OR8G1: variants seen among roughly 807,000 people sequenced by gnomAD.
OR8G1 encodes the protein olfactory receptor 8G1.
For synonymous variants in OR8G1, 129 were observed against 133.3 expected (o/e 0.97, Z 0.22); for missense variants, 372 against 356.2 (o/e 1.04, Z -0.36).
intron 1 of OR8G1, among the ~76,000 whole-genome samples, chr11:124,242,805 G>T (rs2137744408): frequency 6.6e-6 from 1 of 152,056 alleles, no homozygotes; most frequent in East Asian, 1.9e-4. Flanking sequence ...AACTAAGACT[G>T]GAAGTTAAGT....
At position 124,251,632 on chromosome 11, in the gene OR8G1, AT is replaced by A; in HGVS notation, c.*1027del. 4.7e-6 allele frequency: 1 copy of A among 212,904 alleles called. No homozygotes were observed. Among genetic ancestry groups the A allele is most frequent in the Middle Eastern group, 1.9e-3 (1 of 528 alleles). The allele number at this position is 212,904 out of a possible 1,614,324, so 13.2% of individuals were successfully genotyped here. ...CCAAGGAGTCCCTAAAGCAATACTT[AT>A]TTTTTCTTTCTTTTCAAACATGTGG... On this transcript the variant is annotated 3_prime_UTR_variant, in exon 3 of 3. Transcript: ENST00000641972.
chr11:124,245,723 G>A (rs1176223853), intron 1 of OR8G1, among the ~76,000 whole-genome samples: 16 of 136,654 alleles, frequency 1.2e-4, no homozygotes, highest in Middle Eastern at 3.6e-3. Context: ...GTGTGAGATG[G>A]TATCTCATTG....
Position 124,250,078 on chromosome 11 carries a change from A to C in OR8G1, c.403A>C (p.Ile135Leu), listed in dbSNP as rs757461253. 13 of 1,613,680 alleles carry C rather than the reference A, an allele frequency of 8.1e-6. No individual in the cohort carries two copies. The Admixed American group carries it at 2.2e-4, about 27-fold the overall frequency. ...CTGTAGCCCCTTGCTGTACAGTGTC[A>C]TCATATCCAATAAGGCTTGCTTTTC... Reference protein sequence around the residue: ...AICSPLLYSVIISNKACFSLI... With the variant: ...AICSPLLYSVLISNKACFSLI... The change falls in exon 3 of 3, where the codon ATC becomes CTC. Residue 135 changes from isoleucine to leucine, a missense_variant. Transcript: ENST00000641972.
chr11:124,243,945 CAAAAG>C lies in OR8G1; in HGVS notation c.-97+2585_-97+2589del, dbSNP rs1402461414. Among the ~76,000 whole-genome samples the C allele has an allele frequency of 2.7e-5, 4 of 149,768 alleles. No homozygotes were observed. In the South Asian group the frequency reaches 6.3e-4, roughly 24 times the overall value. On this transcript the variant is annotated intron_variant, in intron 1 of 2. Transcript: ENST00000641972. ...ACTTAAAATAAAAATTAAAAAATAA[CAAAAG>C]AAAGAGCTAGAGAGAGAATGAGGAA...
At chr11:124,246,109 G>A (rs548895776) in intron 1 of OR8G1, among the ~76,000 whole-genome samples, 19 of 151,682 alleles carry the variant, frequency 1.3e-4, no homozygotes, top group Admixed American at 9.9e-4. Context: ...GTCCTGAATG[G>A]TAATGCCTAG....
chr11:124,249,739 G>A lies in OR8G1; in HGVS notation c.64G>A (p.Glu22Lys). The A allele has an allele frequency of 6.2e-7, 1 of 1,613,692 alleles. No individual in the cohort carries two copies. The highest frequency in any genetic ancestry group is 8.5e-7 in the Non-Finnish European group (1 of 1,179,764). Residue 22 changes from glutamate to lysine, a missense_variant, in exon 3 of 3, where the codon GAG (glutamate) becomes AAG (lysine). Coordinates refer to ENST00000641972, the MANE Select transcript of OR8G1 (RefSeq NM_001002905.2). ...FILAGLSEQP[E>K]LQLPLFLLFL... Reference sequence around the variant, plus strand: ...TCTGGCTGGGCTCTCAGAACAGCCAGAGCTCCAGCTGCCCCTCTTCCTCCT... The same window carrying A: ...TCTGGCTGGGCTCTCAGAACAGCCAAAGCTCCAGCTGCCCCTCTTCCTCCT...
chr11:124,244,916 G>A (rs1236556664), intron 1 of OR8G1, among the ~76,000 whole-genome samples: 4 of 151,852 alleles, frequency 2.6e-5, no homozygotes, highest in Non-Finnish European at 5.9e-5. Context: ...ATTATGTTGA[G>A]TCTATCCATA....
intron 2 of OR8G1, among the ~76,000 whole-genome samples, chr11:124,248,564 T>C (rs1248660566): frequency 6.6e-6 from 1 of 152,062 alleles, no homozygotes; most frequent in Non-Finnish European, 1.5e-5. Context: ...GTTTTCCATA[T>C]ATAATATTCT....
At chr11:124,248,455 G>T (rs2137748902) in intron 2 of OR8G1, among the ~76,000 whole-genome samples, 1 of 151,720 alleles carries the variant, frequency 6.6e-6, no homozygotes, top group African/African-American at 2.4e-5. Context: ...AAATCTCAAA[G>T]AATTTCTCTA....
chr11:124,253,682 A>G lies in OR8G1; in HGVS notation c.*3071A>G, dbSNP rs1861884648. 1 of 152,002 alleles carries G rather than the reference A, an allele frequency of 6.6e-6. No individual in the cohort carries two copies. Among genetic ancestry groups the G allele is most frequent in the Non-Finnish European group, 1.5e-5 (1 of 68,014 alleles). The allele number at this position is 152,002 out of a possible 1,614,324, so 9.4% of individuals were successfully genotyped here. A position where few individuals can be genotyped will look rare whatever the true frequency, so the allele number is the denominator to read the frequency against. ...GTTTTTAACTTATTCCTTCTATCTA[A>G]TTAAAATATTATATCCTTTGACCAA... On this transcript the variant is annotated 3_prime_UTR_variant, in exon 3 of 3. Coordinates refer to ENST00000641972, the MANE Select transcript of OR8G1 (RefSeq NM_001002905.2).
At chr11:124,243,654 C>T (rs1004842618) in intron 1 of OR8G1, among the ~76,000 whole-genome samples, 2 of 151,960 alleles carry the variant, frequency 1.3e-5, no homozygotes, top group African/African-American at 2.4e-5. Flanking sequence ...TTTATCTGTA[C>T]ATTAAATGAT....
intron 1 of OR8G1, among the ~76,000 whole-genome samples, chr11:124,244,387 G>A (rs1050439118): frequency 1.3e-5 from 2 of 151,644 alleles, no homozygotes; most frequent in Non-Finnish European, 2.9e-5. Context: ...AACCATATTG[G>A]GAAATCCCTG....
chr11:124,250,014 C>T lies in OR8G1; in HGVS notation c.339C>T (p.His113=). 6.2e-7 allele frequency: 1 copy of T among 1,613,870 alleles called. No individual in the cohort carries two copies. Among genetic ancestry groups the T allele is most frequent in the South Asian group, 1.1e-5 (1 of 91,082 alleles). ...FFLVFAIAEC[H]MLAAMAYDRY... is the part of the protein sequence containing the mutation. Reference sequence around the variant, plus strand: ...TCGTTTTTGCTATTGCAGAGTGTCACATGTTGGCTGCAATGGCGTATGACC... The same window carrying T: ...TCGTTTTTGCTATTGCAGAGTGTCATATGTTGGCTGCAATGGCGTATGACC... Residue 113 remains histidine, a synonymous_variant, in exon 3 of 3, where the codon CAC becomes CAT. Coordinates refer to ENST00000641972, the MANE Select transcript of OR8G1 (RefSeq NM_001002905.2).
At chr11:124,242,624 A>G (rs1212391655) in intron 1 of OR8G1, among the ~76,000 whole-genome samples, 2 of 152,062 alleles carry the variant, frequency 1.3e-5, no homozygotes, top group Non-Finnish European at 2.9e-5. Context: ...ATTGCTAGTC[A>G]TCATAGTCTA....
At position 124,253,376 on chromosome 11, in the gene OR8G1, G is replaced by C. The variant is rs2137753077; in HGVS notation, c.*2765G>C. 1 of 152,202 alleles carries C rather than the reference G, an allele frequency of 6.6e-6. No individual in the cohort carries two copies. The highest frequency in any genetic ancestry group is 2.1e-4 in the South Asian group (1 of 4,824). The allele number at this position is 152,202 out of a possible 1,614,324, so 9.4% of individuals were successfully genotyped here. A position where few individuals can be genotyped will look rare whatever the true frequency, so the allele number is the denominator to read the frequency against. On this transcript the variant is annotated 3_prime_UTR_variant, in exon 3 of 3. Transcript: ENST00000641972. ...GTTGGGGCTGCAGTGAGCCTTGATTGTGCCACTGTACGTCAGCCTGGGCGA... is the reference window on the plus strand; with the variant it reads ...GTTGGGGCTGCAGTGAGCCTTGATTCTGCCACTGTACGTCAGCCTGGGCGA...
Position 124,250,024 on chromosome 11 carries a change from G to T in OR8G1, c.349G>T (p.Ala117Ser). The stretch of plus-strand genomic sequence containing the variant: ...TATTGCAGAGTGTCACATGTTGGCT[G>T]CAATGGCGTATGACCGTTACATGGC... ...FAIAECHMLA[A>S]MAYDRYMAIC... The change falls in exon 3 of 3, where the codon GCA becomes TCA. Residue 117 changes from alanine (A) to serine (S), a missense_variant. By Grantham distance (99) the Ala-to-Ser change is moderately conservative (BLOSUM62 1). Transcript: ENST00000641972. 2 of 1,613,860 alleles carry T rather than the reference G, an allele frequency of 1.2e-6. No individual in the cohort carries two copies. The highest frequency in any genetic ancestry group is 1.7e-6 in the Non-Finnish European group (2 of 1,179,842).
Position 124,252,211 on chromosome 11 carries a change from A to G in OR8G1, c.*1600A>G, listed in dbSNP as rs2512243. 0.51 allele frequency: 77,415 copies of G among 151,662 alleles called. 20,371 individuals are homozygous for G. Among genetic ancestry groups the G allele is most frequent in the South Asian group, 0.7 (3,368 of 4,822 alleles). The allele number at this position is 151,662 out of a possible 1,614,324, so 9.4% of individuals were successfully genotyped here. A position where few individuals can be genotyped will look rare whatever the true frequency, so the allele number is the denominator to read the frequency against. ...TGCCTGAGAAAATTCTCAATCAATCATGGACTCTATTAACCTGAGTCTGGG... is the reference window on the plus strand; with the variant it reads ...TGCCTGAGAAAATTCTCAATCAATCGTGGACTCTATTAACCTGAGTCTGGG... On this transcript the variant is annotated 3_prime_UTR_variant, in exon 3 of 3. Coordinates refer to ENST00000641972, the MANE Select transcript of OR8G1 (RefSeq NM_001002905.2).
At chr11:124,242,357 G>A (rs1179751209) in intron 1 of OR8G1, among the ~76,000 whole-genome samples, 1 of 151,994 alleles carries the variant, frequency 6.6e-6, no homozygotes, top group Non-Finnish European at 1.5e-5. Flanking sequence ...GACTCCAGGT[G>A]TAATATGATA....
chr11:124,245,006 TC>T (rs1276406066), intron 1 of OR8G1, among the ~76,000 whole-genome samples: 3 of 107,970 alleles, frequency 2.8e-5, no homozygotes, highest in African/African-American at 1.3e-4. Context: ...ATTAAGAATT[TC>T]TTTTTTTTAA....
Sources: allele counts gnomAD v4.1 joint callset (sites outside exome capture counted in the v4.1 genomes callset), GRCh38; gene constraint gnomAD v4.1.1; transcripts MANE v1.5; gene names NCBI Gene and HGNC (gene_info 2026-07-23, HGNC 2026-07-21).